The following GCNT1 variants were observed in gnomAD, a reference collection of about 807,000 sequenced individuals.
GCNT1 encodes the protein glucosaminyl (N-acetyl) transferase 1, also known as beta-1,3-galactosyl-O-glycosyl-glycoprotein beta-1,6-N-acetylglucosaminyltransferase.
GCNT1 carries 16 observed loss-of-function variants against 26.2 expected under a neutral mutation model. The observed-to-expected ratio is 0.61, with a 90% CI of 0.41 to 0.93. GCNT1 has a LOEUF of 0.93. GCNT1 is among the 40% of genes least tolerant of loss of function. The probability of loss-of-function intolerance (pLI) is 0.00; values close to 1 mark genes in which losing one functional copy is unlikely to be tolerated. For synonymous variants in GCNT1, 183 were observed against 190.8 expected (o/e 0.96, Z 0.34); for missense variants, 477 against 526.7 (o/e 0.91, Z 0.92).
intron 2 of GCNT1, among the ~76,000 whole-genome samples, chr9:76,476,979 T>C (rs1824266722): frequency 6.6e-6 from 1 of 152,100 alleles, no homozygotes; most frequent in Non-Finnish European, 1.5e-5. Context: ...TGGTGCAATC[T>C]TGGCTCACGT....
At chr9:76,471,437 C>CTGGGAGGAATG (rs1554734407) in intron 2 of GCNT1, among the ~76,000 whole-genome samples, 9 of 152,144 alleles carry the variant, frequency 5.9e-5, no homozygotes, top group African/African-American at 1.9e-4. Context: ...GAATGTGCTC[C>CTGGGAGGAATG]TGCCTGGGGC....
At chr9:76,408,038 T>C in the GCNT1 span, among the ~76,000 whole-genome samples, 2 of 152,234 alleles carry the variant, frequency 1.3e-5, no homozygotes, top group Non-Finnish European at 2.9e-5. Flanking sequence ...GGTTTATTCT[T>C]ATGGATTTTC....
intron 2 of GCNT1, among the ~76,000 whole-genome samples, chr9:76,471,263 T>G (rs1824125253): frequency 6.6e-6 from 1 of 152,204 alleles, no homozygotes; most frequent in African/African-American, 2.4e-5. Flanking sequence ...TGACCTCAGA[T>G]GATTTGCCCA....
At chr9:76,465,318 T>G (rs997447026) in intron 2 of GCNT1, among the ~76,000 whole-genome samples, 1 of 152,090 alleles carries the variant, frequency 6.6e-6, no homozygotes, top group African/African-American at 2.4e-5. Context: ...GAGACGGGGT[T>G]TCAGCATATT....
At chr9:76,452,336 G>A (rs1823681144) in intron 1 of GCNT1, among the ~76,000 whole-genome samples, 1 of 151,924 alleles carries the variant, frequency 6.6e-6, no homozygotes, top group African/African-American at 2.4e-5. Flanking sequence ...TAGCCTCTCT[G>A]TACTAAAAAA....
the GCNT1 span, among the ~76,000 whole-genome samples, chr9:76,396,091 A>T: frequency 6.6e-6 from 1 of 152,252 alleles, no homozygotes; most frequent in Non-Finnish European, 1.5e-5. Context: ...CCTGGAGGTG[A>T]GAACTTGATA....
chr9:76,502,364 C>T lies in GCNT1; in HGVS notation c.-18C>T, dbSNP rs1587459907. 5 of 1,577,782 alleles carry T rather than the reference C, an allele frequency of 3.2e-6. No homozygotes were observed. The Middle Eastern group carries it at 8.4e-4, about 266-fold the overall frequency. On this transcript the variant is annotated 5_prime_UTR_variant, in exon 4 of 4. Transcript: ENST00000376730. The stretch of plus-strand genomic sequence containing the variant: ...GAAGACTGCCCTTCACAAAGGAAAT[C>T]CCTGATTATTGTTTGAAATGCTGAG...
intron 2 of GCNT1, among the ~76,000 whole-genome samples, chr9:76,496,134 GT>G (rs1353986468): frequency 1.3e-5 from 2 of 152,196 alleles, no homozygotes; most frequent in African/African-American, 4.8e-5. Flanking sequence ...GGGTCCTACT[GT>G]TTTCTGGATG....
upstream of GCNT1, chr9:76,459,082 G>T (rs1300871784): frequency 6.6e-6 from 1 of 152,330 alleles, no homozygotes; most frequent in Admixed American, 6.5e-5. Context: ...CGAGTCCGCA[G>T]CAAGTCCCCA....
At chr9:76,464,209 C>A (rs981302405) in intron 2 of GCNT1, among the ~76,000 whole-genome samples, 19 of 151,864 alleles carry the variant, frequency 1.3e-4, no homozygotes, top group Non-Finnish European at 2.1e-4. Flanking sequence ...ATAGTGGAAA[C>A]CCACTTTTTG....
At chr9:76,428,765 A>G (rs1040720894) in intron 1 of GCNT1, among the ~76,000 whole-genome samples, 8 of 143,852 alleles carry the variant, frequency 5.6e-5, no homozygotes, top group Admixed American at 3.6e-4. Flanking sequence ...CAATGGCATG[A>G]TCTCAGCTCA....
chr9:76,481,920 CAG>C (rs1824433023), intron 2 of GCNT1, among the ~76,000 whole-genome samples: 1 of 152,190 alleles, frequency 6.6e-6, no homozygotes, highest in South Asian at 2.1e-4. Context: ...TAACTACAAA[CAG>C]TGGGTTGCAT....
the GCNT1 span, among the ~76,000 whole-genome samples, chr9:76,410,866 T>G: frequency 6.6e-6 from 1 of 152,234 alleles, no homozygotes; most frequent in Non-Finnish European, 1.5e-5. Context: ...ATTTTACAAC[T>G]TTGTTGTTAG....
upstream of GCNT1, among the ~76,000 whole-genome samples, chr9:76,441,206 C>T (rs1404301137): frequency 1.3e-5 from 2 of 152,000 alleles, no homozygotes; most frequent in Non-Finnish European, 2.9e-5. Flanking sequence ...AGTGCAGTGG[C>T]GCGATCTCAG....
intron 2 of GCNT1, among the ~76,000 whole-genome samples, chr9:76,482,684 A>T (rs1824453766): frequency 6.6e-6 from 1 of 151,666 alleles, no homozygotes; most frequent in Admixed American, 6.6e-5. Flanking sequence ...TTGCTCTCTT[A>T]CCCAGGCTGG....
At chr9:76,412,113 G>A in the GCNT1 span, among the ~76,000 whole-genome samples, 1 of 152,164 alleles carries the variant, frequency 6.6e-6, no homozygotes, top group African/African-American at 2.4e-5. Context: ...TATAGGTAGT[G>A]CAAGTACTTT....
upstream of GCNT1, among the ~76,000 whole-genome samples, chr9:76,458,026 G>T (rs1055096786): frequency 6.6e-6 from 1 of 152,048 alleles, no homozygotes; most frequent in East Asian, 1.9e-4. Flanking sequence ...TAATCTACCT[G>T]CAGTCAATTT....
chr9:76,405,985 C>T, the GCNT1 span, among the ~76,000 whole-genome samples: 246 of 152,318 alleles, frequency 1.6e-3, no homozygotes, highest in Middle Eastern at 6.8e-3. Flanking sequence ...AACAAAATGA[C>T]TATACCATTT....
chr9:76,473,862 G>A (rs962541507), intron 2 of GCNT1, among the ~76,000 whole-genome samples: 1 of 152,186 alleles, frequency 6.6e-6, no homozygotes, highest in Non-Finnish European at 1.5e-5. Flanking sequence ...CAGCACTTTA[G>A]GAGGCCTAGG....
Sources: allele counts gnomAD v4.1 joint callset (sites outside exome capture counted in the v4.1 genomes callset), GRCh38; gene constraint gnomAD v4.1.1; transcripts MANE v1.5; gene names NCBI Gene and HGNC (gene_info 2026-07-23, HGNC 2026-07-21).